PDE4B: variants seen among roughly 807,000 people sequenced by gnomAD.
The protein encoded by PDE4B is phosphodiesterase 4B, also known as 3',5'-cyclic-AMP phosphodiesterase 4B.
PDE4B carries 20 observed loss-of-function variants against 82.2 expected under a neutral mutation model. That is an observed-to-expected ratio of 0.24 (90% CI 0.17 to 0.35). The LOEUF (loss-of-function observed/expected upper bound fraction) is 0.35. Among genes scored for constraint, PDE4B ranks in the 10% least tolerant of loss-of-function variants. The pLI is 1.00. For missense variants in PDE4B, 655 were observed against 907.2 expected (o/e 0.72, Z 3.57); for synonymous variants, 320 against 318.9 (o/e 1.00, Z -0.04).
intron 3 of PDE4B, among the ~76,000 whole-genome samples, chr1:66,093,248 G>A (rs1180696324): frequency 6.6e-6 from 1 of 151,970 alleles, no homozygotes; most frequent in Admixed American, 6.6e-5. Context: ...GCATGGTAAT[G>A]GGGTGGGGTG....
At chr1:66,261,472 C>T (rs934216390) in intron 6 of PDE4B, among the ~76,000 whole-genome samples, 26 of 152,266 alleles carry the variant, frequency 1.7e-4, no homozygotes, top group African/African-American at 6.3e-4. Context: ...GACTTCAGAT[C>T]CAGGGTGCCA....
intron 1 of PDE4B, among the ~76,000 whole-genome samples, chr1:65,883,157 A>G (rs1297580905): frequency 6.6e-6 from 1 of 152,178 alleles, no homozygotes; most frequent in Non-Finnish European, 1.5e-5. Flanking sequence ...TTGGTTCCAT[A>G]TGAACTTTAA....
intron 3 of PDE4B, among the ~76,000 whole-genome samples, chr1:65,933,321 A>C (rs56392179): frequency 6.9e-6 from 1 of 145,258 alleles, no homozygotes; most frequent in Non-Finnish European, 1.5e-5. Flanking sequence ...TGCTGAAATT[A>C]AAAAAAAAAA....
At chr1:66,111,477 T>G (rs1645483889) in intron 3 of PDE4B, among the ~76,000 whole-genome samples, 1 of 152,132 alleles carries the variant, frequency 6.6e-6, no homozygotes, top group Non-Finnish European at 1.5e-5. Flanking sequence ...CTCTACACAC[T>G]TGGCTATTCT....
At chr1:66,256,769 G>C (rs1376019102) in intron 4 of PDE4B, among the ~76,000 whole-genome samples, 1 of 152,104 alleles carries the variant, frequency 6.6e-6, no homozygotes, top group African/African-American at 2.4e-5. Context: ...ATGAGGACAG[G>C]GAAGGTAGGC....
At chr1:66,345,303 T>C (rs923199567) in intron 8 of PDE4B, among the ~76,000 whole-genome samples, 1 of 152,122 alleles carries the variant, frequency 6.6e-6, no homozygotes, top group Non-Finnish European at 1.5e-5. Flanking sequence ...TCGTATAACT[T>C]GTTAACAAAA....
At chr1:65,846,801 G>T (rs1646272519) in intron 1 of PDE4B, among the ~76,000 whole-genome samples, 1 of 152,174 alleles carries the variant, frequency 6.6e-6, no homozygotes. Flanking sequence ...GGCACAAATG[G>T]AGTGTTTTTA....
intron 1 of PDE4B, among the ~76,000 whole-genome samples, chr1:65,890,267 A>G (rs891049941): frequency 7.2e-5 from 11 of 151,980 alleles, no homozygotes. Context: ...TGGAAAGACC[A>G]TTTCTATTAC....
intron 1 of PDE4B, among the ~76,000 whole-genome samples, chr1:65,912,214 G>T (rs1400828328): frequency 3.3e-5 from 5 of 152,038 alleles, no homozygotes; most frequent in African/African-American, 1.2e-4. Flanking sequence ...TTGTCTTGTA[G>T]TCTGTTGTAT....
intron 1 of PDE4B, among the ~76,000 whole-genome samples, chr1:65,833,689 G>A (rs775949270): frequency 7.2e-5 from 11 of 151,892 alleles, no homozygotes; most frequent in Admixed American, 1.3e-4. Flanking sequence ...CTCTTTCTCC[G>A]CCTTATTTTT....
chr1:65,822,789 A>G (rs928673994), intron 1 of PDE4B, among the ~76,000 whole-genome samples: 1 of 152,178 alleles, frequency 6.6e-6, no homozygotes, highest in Admixed American at 6.5e-5. Context: ...AACCCTCACC[A>G]GACACTGAAC....
At chr1:66,237,543 C>A (rs1652554758) in intron 3 of PDE4B, among the ~76,000 whole-genome samples, 1 of 152,128 alleles carries the variant, frequency 6.6e-6, no homozygotes, top group Admixed American at 6.5e-5. Context: ...CTTGAAAGGT[C>A]AAAGACTTGT....
intron 3 of PDE4B, among the ~76,000 whole-genome samples, chr1:65,925,364 A>T (rs1254411248): frequency 1.3e-5 from 2 of 152,180 alleles, no homozygotes; most frequent in Non-Finnish European, 2.9e-5. Context: ...ATTTAAAAAA[A>T]CTTTATTAAA....
chr1:65,819,326 G>T lies in PDE4B; in HGVS notation c.-71+26078G>T, dbSNP rs540740206. ...ATACCCTATGCCTGATTCATTGTAG[G>T]TCTCAGTATATGGTGATTGCATGAT... On this transcript the variant is annotated intron_variant, in intron 1 of 16. Transcript: ENST00000341517. 2.4e-4 allele frequency among the ~76,000 whole-genome samples: 36 copies of T among 152,120 alleles called. 2 individuals are homozygous for T. In the South Asian group the frequency reaches 7.3e-3, roughly 31 times the overall value.
intron 3 of PDE4B, among the ~76,000 whole-genome samples, chr1:66,101,549 C>T (rs568347792): frequency 3.7e-4 from 56 of 152,186 alleles, no homozygotes; most frequent in African/African-American, 1.3e-3. Flanking sequence ...TGGTATCTCA[C>T]TGTAGTTTTG....
intron 3 of PDE4B, among the ~76,000 whole-genome samples, chr1:66,230,662 C>T (rs527341396): frequency 2.7e-4 from 41 of 152,130 alleles, no homozygotes; most frequent in Non-Finnish European, 5.0e-4. Context: ...AAAATTCTTA[C>T]GTCTAAATTC....
intron 12 of PDE4B, 34 bp downstream of exon 12, chr1:66,363,605 C>T (rs765158189): frequency 1.7e-5 from 26 of 1,553,166 alleles, no homozygotes; most frequent in African/African-American, 5.5e-5. Flanking sequence ...CATTCCTGCC[C>T]ATCCTCCTTC....
rs979207534 is a variant in PDE4B at position 66,045,282 on chromosome 1, C to T, written c.281+126447C>T. Among the ~76,000 whole-genome samples, 10 of 150,904 alleles carry T rather than the reference C, an allele frequency of 6.6e-5. 1 individual carries two copies. The South Asian group carries it at 2.1e-3, about 32-fold the overall frequency. On this transcript the variant is annotated intron_variant, in intron 3 of 16. Transcript: ENST00000341517. ...TTCTTTTCAATTTTTTGTGGGTACT[C>T]CCTTCATTTTAGAATCTCAAAGTAG...
intron 3 of PDE4B, among the ~76,000 whole-genome samples, chr1:66,030,281 A>G (rs1432008993): frequency 1.3e-5 from 2 of 152,126 alleles, no homozygotes; most frequent in African/African-American, 2.4e-5. Context: ...TTTTGCATCT[A>G]TGTTCATCAG....
Sources: gnomAD v4.1 joint callset for allele counts (sites outside exome capture counted in the v4.1 genomes callset) on GRCh38, gnomAD v4.1.1 for gene constraint, MANE v1.5 for transcripts, NCBI Gene and HGNC (gene_info 2026-07-23, HGNC 2026-07-21) for gene names.